LSAMP: variants seen among roughly 807,000 people sequenced by gnomAD.
LSAMP encodes the protein limbic system associated membrane protein, also known as limbic system-associated membrane protein.
A neutral mutation model predicts 38.6 loss-of-function variants in LSAMP; 7 were observed. The observed-to-expected ratio is 0.18, with a 90% CI of 0.10 to 0.34. The LOEUF (loss-of-function observed/expected upper bound fraction) is 0.34, where lower values mean the gene tolerates loss of function less well. LSAMP is among the 10% of genes least tolerant of loss of function. The pLI is 1.00. For missense variants in LSAMP, 313 were observed against 420.0 expected (o/e 0.75, Z 2.23); for synonymous variants, 154 against 166.8 (o/e 0.92, Z 0.59).
At chr3:116,328,762 A>G (rs993650465) in intron 1 of LSAMP, among the ~76,000 whole-genome samples, 18 of 152,304 alleles carry the variant, frequency 1.2e-4, no homozygotes, top group African/African-American at 4.3e-4. Context: ...CCAATGCTCT[A>G]GAGGAAAAGC....
intron 3 of LSAMP, among the ~76,000 whole-genome samples, chr3:115,922,474 A>G (rs900467458): frequency 6.6e-5 from 10 of 152,104 alleles, no homozygotes; most frequent in African/African-American, 9.7e-5. Context: ...GTTCATCATT[A>G]TTATTTTGAA....
chr3:116,034,921 G>T (rs1559928487), intron 2 of LSAMP, among the ~76,000 whole-genome samples: 1 of 152,156 alleles, frequency 6.6e-6, no homozygotes, highest in African/African-American at 2.4e-5. Flanking sequence ...AAACGTAAAA[G>T]AATGCAAAAC....
rs77115033 is a variant in LSAMP, at chr3:116,031,833, T to C, written c.389-12193A>G. The stretch of plus-strand genomic sequence containing the variant: ...TTACCATGAACCATTTTAAATAGAA[T>C]GTGGAACATACACATTATTTCCTTC... On this transcript the variant is annotated intron_variant, in intron 2 of 6. Transcript: ENST00000490035. Among the ~76,000 whole-genome samples the C allele has an allele frequency of 2.6e-5, 4 of 152,232 alleles. No individual in the cohort carries two copies. The East Asian group carries it at 7.7e-4, about 29-fold the overall frequency.
At chr3:116,049,123 C>T (rs1941345425) in intron 2 of LSAMP, among the ~76,000 whole-genome samples, 1 of 152,142 alleles carries the variant, frequency 6.6e-6, no homozygotes, top group African/African-American at 2.4e-5. Flanking sequence ...AATGCTCAAC[C>T]AGAGCTTGAA....
At chr3:116,357,986 T>G (rs1456418009) in intron 1 of LSAMP, among the ~76,000 whole-genome samples, 3 of 151,948 alleles carry the variant, frequency 2.0e-5, no homozygotes, top group Non-Finnish European at 4.4e-5. Flanking sequence ...TTAGGAAACT[T>G]GGAGGCAGAA....
At chr3:116,059,296 T>G (rs923651097) in intron 2 of LSAMP, among the ~76,000 whole-genome samples, 11 of 152,220 alleles carry the variant, frequency 7.2e-5, no homozygotes, top group African/African-American at 2.7e-4. Flanking sequence ...CTTTTTGCCT[T>G]ATGCAACTCT....
chr3:115,907,430 A>T (rs1937033036), intron 3 of LSAMP, among the ~76,000 whole-genome samples: 1 of 151,776 alleles, frequency 6.6e-6, no homozygotes, highest in Non-Finnish European at 1.5e-5. Flanking sequence ...CCATCTATGA[A>T]GCAGAGAGTG....
At chr3:116,115,880 C>T (rs1262500706) in intron 1 of LSAMP, among the ~76,000 whole-genome samples, 1 of 151,510 alleles carries the variant, frequency 6.6e-6, no homozygotes. Context: ...CTTGGTTCTT[C>T]TCCTTATCCC....
At chr3:116,211,367 A>G (rs746800623) in intron 1 of LSAMP, among the ~76,000 whole-genome samples, 2 of 152,242 alleles carry the variant, frequency 1.3e-5, no homozygotes, top group African/African-American at 2.4e-5. Flanking sequence ...TAAATCATAA[A>G]TATGTGAGGT....
chr3:116,310,491 A>G (rs2047542759), intron 1 of LSAMP, among the ~76,000 whole-genome samples: 1 of 152,160 alleles, frequency 6.6e-6, no homozygotes, highest in Admixed American at 6.5e-5. Context: ...GGCAACCTTT[A>G]CCTACTCACC....
chr3:116,109,513 G>C (rs1295204513), intron 1 of LSAMP, among the ~76,000 whole-genome samples: 5 of 152,186 alleles, frequency 3.3e-5, no homozygotes, highest in African/African-American at 1.2e-4. Flanking sequence ...AGGGACTGAT[G>C]TGTAAAAGAA....
chr3:116,127,254 G>A (rs944759204), intron 1 of LSAMP, among the ~76,000 whole-genome samples: 2 of 152,136 alleles, frequency 1.3e-5, no homozygotes, highest in African/African-American at 4.8e-5. Context: ...TCTCCGTTAT[G>A]TAGTGACTGA....
intron 3 of LSAMP, among the ~76,000 whole-genome samples, chr3:115,920,090 G>A (rs1937348008): frequency 1.3e-5 from 2 of 152,090 alleles, no homozygotes; most frequent in South Asian, 4.1e-4. Flanking sequence ...TCCTTTCAAT[G>A]AATATTTAGG....
intron 2 of LSAMP, among the ~76,000 whole-genome samples, chr3:116,046,404 GA>G (rs202168544): frequency 1.9e-4 from 28 of 149,314 alleles, no homozygotes; most frequent in Admixed American, 3.3e-4. Flanking sequence ...AAAGAAACAG[GA>G]AAAAAAAAAT....
chr3:116,084,134 A>G (rs1707935332), intron 2 of LSAMP, among the ~76,000 whole-genome samples: 1 of 152,122 alleles, frequency 6.6e-6, no homozygotes, highest in African/African-American at 2.4e-5. Flanking sequence ...AAGCTTTTGC[A>G]TATATATAAA....
At chr3:116,312,863 T>C (rs1379669239) in intron 1 of LSAMP, among the ~76,000 whole-genome samples, 1 of 152,222 alleles carries the variant, frequency 6.6e-6, no homozygotes, top group African/African-American at 2.4e-5. Context: ...TTTCTGTGTG[T>C]GTGTGTCTTC....
intron 1 of LSAMP, among the ~76,000 whole-genome samples, chr3:116,351,535 C>T (rs936951828): frequency 5.3e-5 from 8 of 150,156 alleles, no homozygotes; most frequent in South Asian, 2.1e-4. Flanking sequence ...TCTCACATTA[C>T]GTGTAATTAT....
chr3:115,935,270 A>C (rs887218729), intron 3 of LSAMP, among the ~76,000 whole-genome samples: 2 of 152,180 alleles, frequency 1.3e-5, no homozygotes, highest in African/African-American at 4.8e-5. Context: ...TGGAAGGAAG[A>C]CTTGATCCTG....
At chr3:116,118,019 A>G (rs1708792379) in intron 1 of LSAMP, among the ~76,000 whole-genome samples, 1 of 152,090 alleles carries the variant, frequency 6.6e-6, no homozygotes, top group South Asian at 2.1e-4. Flanking sequence ...GAGAGGGAAA[A>G]TGCTGGCTGC....
Sources: allele counts gnomAD v4.1 joint callset (sites outside exome capture counted in the v4.1 genomes callset), GRCh38; gene constraint gnomAD v4.1.1; transcripts MANE v1.5; gene names NCBI Gene and HGNC (gene_info 2026-07-23, HGNC 2026-07-21).